Variants in C7 observed in about 807,000 individuals in gnomAD.
The protein encoded by C7 is complement component C7.
Under a neutral mutation model 104.8 loss-of-function variants are expected in C7, and 83 were observed. The observed-to-expected ratio is 0.79, with a 90% CI of 0.66 to 0.95. The LOEUF is 0.95. Among genes scored for constraint, C7 ranks in the 40% least tolerant of loss-of-function variants. The pLI is 0.00. For synonymous variants in C7, 415 were observed against 360.6 expected, an observed-to-expected ratio of 1.15 and a Z score of -1.71; for missense variants, 1,070 against 1,011.2, an observed-to-expected ratio of 1.06 and a Z score of -0.79.
At chr5:40,937,412 A>G (rs778165028) in intron 5 of C7, 140 bp from the exon 6 acceptor site, 1 of 722,358 alleles carries the variant, frequency 1.4e-6, no homozygotes, top group Non-Finnish European at 2.2e-6. Context: ...CTTCATTTGA[A>G]CTCTCTCAAA....
chr5:40,951,536 G>A lies in C7; in HGVS notation c.1093+1522G>A, dbSNP rs114000289. The stretch of plus-strand genomic sequence containing the variant: ...TACTTACTCTCACTACCTGGGTGTT[G>A]GGATCAATCACACTCCAAAGCTCAG... On this transcript the variant is annotated intron_variant, in intron 9 of 17. Coordinates refer to ENST00000313164, the MANE Select transcript of C7 (RefSeq NM_000587.4). 7.2e-3 allele frequency among the ~76,000 whole-genome samples: 1,102 copies of A among 152,232 alleles called. 12 individuals are homozygous for A. Among genetic ancestry groups the A allele is most frequent in the African/African-American group, 0.026 (1,062 of 41,522 alleles).
intron 1 of C7, among the ~76,000 whole-genome samples, chr5:40,912,641 G>A (rs1230112190): frequency 6.6e-6 from 1 of 152,180 alleles, no homozygotes; most frequent in Non-Finnish European, 1.5e-5. Flanking sequence ...TTACAGGCAT[G>A]AGCCACCAAA....
At chr5:40,979,598 T>C (rs1740895021) in intron 16 of C7, 127 bp from the exon 17 acceptor site, 1 of 92,780 alleles carries the variant, frequency 1.1e-5, no homozygotes. Flanking sequence ...GTTTCCACCT[T>C]TTTTTTTTTT....
chr5:40,976,646 AG>A, intron 15 of C7, 103 bp from the exon 16 acceptor site: 2 of 649,040 alleles, frequency 3.1e-6, no homozygotes, highest in Non-Finnish European at 5.3e-6. Context: ...AATGCATTGC[AG>A]TTGGAGAATA....
intron 14 of C7, among the ~76,000 whole-genome samples, chr5:40,970,415 G>C (rs911460981): frequency 1.3e-5 from 2 of 151,832 alleles, no homozygotes. Context: ...TAAGCTATTT[G>C]AGCTAATGAA....
At chr5:40,934,099 T>C (rs761218874) in intron 3 of C7, among the ~76,000 whole-genome samples, 1 of 151,940 alleles carries the variant, frequency 6.6e-6, no homozygotes, top group African/African-American at 2.4e-5. Flanking sequence ...GCCTGGGAGC[T>C]CTCTATAAAT....
At position 40,962,080 on chromosome 5, in the gene C7, TCCAGG is replaced by T. The variant is rs1366424658; in HGVS notation, c.1662-4_1662del. 1.3e-6 allele frequency: 2 copies of T among 1,495,530 alleles called. No individual in the cohort carries two copies. Among genetic ancestry groups the T allele is most frequent in the Non-Finnish European group, 9.0e-7 (1 of 1,107,464 alleles). 92.6% of individuals were successfully genotyped at this position (1,495,530 alleles called of 1,614,324 possible). A position where few individuals can be genotyped will look rare whatever the true frequency, so the allele number is the denominator to read the frequency against. ...TCACATTAATTACATTTTTTTTCCTTCCAGGTTGCTTGAACCACATTGCTTTCCTT... is the reference window on the plus strand; with the variant it reads ...TCACATTAATTACATTTTTTTTCCTTTTGCTTGAACCACATTGCTTTCCTT... On this transcript the variant is annotated splice_acceptor_variant and splice_polypyrimidine_tract_variant and coding_sequence_variant and intron_variant, in exon 13 of 18. Coordinates refer to ENST00000313164, the MANE Select transcript of C7 (RefSeq NM_000587.4). LOFTEE classifies it high-confidence loss of function.
chr5:40,978,352 TG>T (rs1429083762), intron 16 of C7, among the ~76,000 whole-genome samples: 1 of 152,166 alleles, frequency 6.6e-6, no homozygotes, highest in African/African-American at 2.4e-5. Flanking sequence ...ATTCTGACTT[TG>T]CTGCTAATCT....
rs10473230 is a variant in C7, at chr5:40,981,929, T to C, written c.*356T>C. Reference sequence around the variant, plus strand: ...TTCAGGCCTATCATTTTATTAAGTATGATTGACACAGCCCATGGGCCAGAA... The same window carrying C: ...TTCAGGCCTATCATTTTATTAAGTACGATTGACACAGCCCATGGGCCAGAA... On this transcript the variant is annotated 3_prime_UTR_variant, in exon 18 of 18. Transcript: ENST00000313164. The C allele has an allele frequency of 0.18, 29,863 of 168,918 alleles. 2,796 individuals are homozygous for C. The highest frequency in any genetic ancestry group is 0.25 in the African/African-American group (10,315 of 42,098). The allele number at this position is 168,918 out of a possible 1,614,324, so 10.5% of individuals were successfully genotyped here.
chr5:40,975,299 A>G lies in C7; in HGVS notation c.2075-1451A>G, dbSNP rs568275114. On this transcript the variant is annotated intron_variant, in intron 15 of 17. Coordinates refer to ENST00000313164, the MANE Select transcript of C7 (RefSeq NM_000587.4). Reference sequence around the variant, plus strand: ...ATGTTTTACCACTAATGTCTCTTTTATGTTCTAGGGTCCAGTTCAGGGTAC... The same window carrying G: ...ATGTTTTACCACTAATGTCTCTTTTGTGTTCTAGGGTCCAGTTCAGGGTAC... Among the ~76,000 whole-genome samples, 8 of 151,004 alleles carry G rather than the reference A, an allele frequency of 5.3e-5. No homozygotes were observed. In the East Asian group the frequency reaches 1.2e-3, roughly 22 times the overall value.
At chr5:40,948,874 C>T (rs1463389926) in intron 8 of C7, among the ~76,000 whole-genome samples, 1 of 152,164 alleles carries the variant, frequency 6.6e-6, no homozygotes, top group African/African-American at 2.4e-5. Context: ...AGTCTTTTAG[C>T]TTTTTAAATG....
At chr5:40,974,404 C>A (rs2111715111) in intron 15 of C7, among the ~76,000 whole-genome samples, 2 of 139,274 alleles carry the variant, frequency 1.4e-5, no homozygotes, top group East Asian at 4.1e-4. Context: ...TTTTTTTCCA[C>A]AAAGACATTA....
intron 1 of C7, among the ~76,000 whole-genome samples, chr5:40,920,599 A>AT (rs1310082270): frequency 1.3e-5 from 2 of 150,522 alleles, no homozygotes; most frequent in Non-Finnish European, 3.0e-5. Flanking sequence ...CCAAACATTT[A>AT]TTTTTTATTT....
At chr5:40,936,599 T>C in intron 5 of C7, 114 bp downstream of exon 5, 1 of 959,884 alleles carries the variant, frequency 1.0e-6, no homozygotes, top group Non-Finnish European at 1.6e-6. Flanking sequence ...AGATTATTCA[T>C]TGGCTCAGAG....
intron 1 of C7, among the ~76,000 whole-genome samples, chr5:40,924,561 C>T (rs1012942826): frequency 2.0e-5 from 3 of 152,198 alleles, no homozygotes; most frequent in Non-Finnish European, 4.4e-5. Context: ...TCCAACCCTG[C>T]ATTTCCCCCT....
At chr5:40,935,702 T>C (rs1452110956) in intron 4 of C7, among the ~76,000 whole-genome samples, 1 of 152,166 alleles carries the variant, frequency 6.6e-6, no homozygotes, top group Non-Finnish European at 1.5e-5. Context: ...CTGGGGATGA[T>C]GCTGGGGAGA....
intron 1 of C7, among the ~76,000 whole-genome samples, chr5:40,916,677 G>T (rs559145727): frequency 2.6e-5 from 4 of 152,090 alleles, no homozygotes; most frequent in African/African-American, 9.7e-5. Context: ...GTAGGAGATA[G>T]AGTTTGACAG....
chr5:40,950,072 A>G, intron 9 of C7, 58 bp downstream of exon 9: 1 of 996,136 alleles, frequency 1.0e-6, no homozygotes, highest in Non-Finnish European at 1.5e-6. Flanking sequence ...TTTTACTTTT[A>G]AGTTCAAGGG....
At chr5:40,979,057 C>T in intron 16 of C7, among the ~76,000 whole-genome samples, 1 of 151,326 alleles carries the variant, frequency 6.6e-6, no homozygotes, top group East Asian at 1.9e-4. Flanking sequence ...TTTTTATATG[C>T]TTAGTAGAGA....
Sources: gnomAD v4.1 joint callset for allele counts (sites outside exome capture counted in the v4.1 genomes callset) on GRCh38, gnomAD v4.1.1 for gene constraint, MANE v1.5 for transcripts, NCBI Gene and HGNC (gene_info 2026-07-23, HGNC 2026-07-21) for gene names.